Variants in HERC5 observed in about 807,000 individuals in gnomAD.
The protein encoded by HERC5 is E3 ISG15--protein ligase HERC5.
In HERC5, 99 loss-of-function variants were observed where a neutral mutation model predicts 119.6. The observed-to-expected ratio is 0.83, with a 90% CI of 0.70 to 0.98. The LOEUF (loss-of-function observed/expected upper bound fraction) is 0.98, where lower values mean the gene tolerates loss of function less well. HERC5 is among the 50% of genes least tolerant of loss of function. HERC5 has a pLI of 0.00. For synonymous variants in HERC5, 478 were observed against 445.9 expected, an observed-to-expected ratio of 1.07 and a Z score of -0.91; for missense variants, 1,267 against 1,241.3, an observed-to-expected ratio of 1.02 and a Z score of -0.31.
At chr4:88,470,697 G>C in intron 10 of HERC5, 24 bp downstream of exon 10, 1 of 1,008,098 alleles carries the variant, frequency 9.9e-7, no homozygotes, top group Non-Finnish European at 1.5e-6. Context: ...TAAATTAATT[G>C]TATTAAATTG....
intron 12 of HERC5, among the ~76,000 whole-genome samples, chr4:88,477,234 AGGGAGGGGAG>A (rs1223110891): frequency 3.2e-5 from 2 of 63,248 alleles, no homozygotes; most frequent in Non-Finnish European, 5.8e-5. Context: ...AAAGGAAGGA[AGGGAGGGGAG>A]GGGAGAGGAG....
At position 88,479,340 on chromosome 4, in the gene HERC5, T is replaced by C. The variant is rs200055854; in HGVS notation, c.1583-13T>C. The C allele has an allele frequency of 2.9e-5, 45 of 1,556,070 alleles. No individual in the cohort carries two copies. Among genetic ancestry groups the C allele is most frequent in the Non-Finnish European group, 3.6e-5 (42 of 1,157,772 alleles). Reference sequence around the variant, plus strand: ...TCATTTTTTAAAAAATTTGCTTTCCTTGTGTTCCTCAGAAGAGTATTGGGC... The same window carrying C: ...TCATTTTTTAAAAAATTTGCTTTCCCTGTGTTCCTCAGAAGAGTATTGGGC... On this transcript the variant is annotated splice_polypyrimidine_tract_variant and intron_variant, in intron 12 of 22. Coordinates refer to ENST00000264350, the MANE Select transcript of HERC5 (RefSeq NM_016323.4).
chr4:88,466,439 A>G lies in HERC5; in HGVS notation c.912-620A>G, dbSNP rs57966410. On this transcript the variant is annotated intron_variant, in intron 6 of 22. Transcript: ENST00000264350. ...TGGTTAAATCATTGCCCGGATAGTT[A>G]AACTTAATCTCCAGCACTGCCCTCC... 8.8e-3 allele frequency among the ~76,000 whole-genome samples: 1,336 copies of G among 152,272 alleles called. 23 individuals carry two copies. The highest frequency in any genetic ancestry group is 0.03 in the African/African-American group (1,236 of 41,540).
intron 10 of HERC5, among the ~76,000 whole-genome samples, chr4:88,471,877 T>TCTTC (rs923450152): frequency 1.5e-4 from 23 of 151,902 alleles, no homozygotes; most frequent in South Asian, 1.0e-3. Context: ...GTCAGTCCTT[T>TCTTC]CTTCCTTCCT....
Position 88,489,221 on chromosome 4 carries a change from C to T in HERC5, c.2018C>T (p.Ser673Phe). The T allele has an allele frequency of 1.9e-6, 3 of 1,613,760 alleles. No individual in the cohort carries two copies. The highest frequency in any genetic ancestry group is 2.5e-6 in the Non-Finnish European group (3 of 1,179,816). Residue 673 changes from serine to phenylalanine, a missense_variant, in exon 16 of 23, where the codon TCT becomes TTT. Physicochemically the swap from Ser to Phe is radical, Grantham distance 155. Coordinates refer to ENST00000264350, the MANE Select transcript of HERC5 (RefSeq NM_016323.4). The stretch of plus-strand genomic sequence containing the variant: ...GCAGCAATTGAGGAAGAAAGAGAGT[C>T]TGAATTCGCTTTGAGGCCCACGTTT... ...RSAAIEEERE[S>F]EFALRPTFDL...
rs748331684 is a variant in HERC5 at position 88,505,807 on chromosome 4, A to G, written c.3004A>G (p.Lys1002Glu). Reference protein sequence around the residue: ...LTCFSVLFLPKYSTMETVEEA... With the variant: ...LTCFSVLFLPEYSTMETVEEA... ...ATGTTTCAGTGTCCTCTTCCTCCCT[A>G]AATATTCTACAATGGAAACAGTTGA... Residue 1002 changes from lysine to glutamate, a missense_variant, in exon 23 of 23, where the codon AAA becomes GAA. By Grantham distance (56) the Lys-to-Glu change is moderately conservative. Coordinates refer to ENST00000264350, the MANE Select transcript of HERC5 (RefSeq NM_016323.4). 44 of 1,613,706 alleles carry G rather than the reference A, an allele frequency of 2.7e-5. No homozygotes were observed. Among genetic ancestry groups the G allele is most frequent in the Middle Eastern group, 1.6e-4 (1 of 6,076 alleles).
Position 88,463,883 on chromosome 4 carries a change from G to C in HERC5, c.809G>C (p.Gly270Ala). The change falls in exon 6 of 23, where the codon GGA becomes GCA. Residue 270 changes from glycine to alanine, a missense_variant. Coordinates refer to ENST00000264350, the MANE Select transcript of HERC5 (RefSeq NM_016323.4). ...GGGCTGCTGTTTACTTTCGGTGCTG[G>C]AAAACATGGGCAACTTGGTCATAAT... ...QDGLLFTFGAGKHGQLGHNST... is the reference protein window; with the variant it reads ...QDGLLFTFGAAKHGQLGHNST... 1 of 1,613,858 alleles carries C rather than the reference G, an allele frequency of 6.2e-7. No homozygotes were observed. The highest frequency in any genetic ancestry group is 8.5e-7 in the Non-Finnish European group (1 of 1,179,990).
At chr4:88,498,538 G>A (rs897517141) in intron 18 of HERC5, among the ~76,000 whole-genome samples, 4 of 152,196 alleles carry the variant, frequency 2.6e-5, no homozygotes, top group Non-Finnish European at 4.4e-5. Context: ...AAATGGGAAT[G>A]TCTATCCTAT....
chr4:88,483,491 G>T (rs982302109), intron 13 of HERC5, among the ~76,000 whole-genome samples: 1 of 150,928 alleles, frequency 6.6e-6, no homozygotes, highest in Admixed American at 6.6e-5. Flanking sequence ...AGGATTACCC[G>T]GGTAAGCCAC....
chr4:88,467,966 C>A, intron 7 of HERC5: 3 of 737,474 alleles, frequency 4.1e-6, no homozygotes, highest in Non-Finnish European at 5.0e-6. Flanking sequence ...ATAACAGTTA[C>A]ATGGGCTTAA....
chr4:88,502,531 T>G (rs1249114769), intron 20 of HERC5, among the ~76,000 whole-genome samples: 1 of 152,008 alleles, frequency 6.6e-6, no homozygotes, highest in Non-Finnish European at 1.5e-5. Flanking sequence ...CATCAGTGGG[T>G]GCCCAGGGAG....
intron 14 of HERC5, among the ~76,000 whole-genome samples, chr4:88,486,813 AAC>A (rs1293180050): frequency 1.3e-5 from 2 of 150,458 alleles, no homozygotes; most frequent in Non-Finnish European, 3.0e-5. Context: ...GTTTCAGCAG[AAC>A]AGACTCTTTG....
chr4:88,466,937 C>G, intron 6 of HERC5, 122 bp from the exon 7 acceptor site: 1 of 972,128 alleles, frequency 1.0e-6, no homozygotes. Context: ...GATTTTCATC[C>G]TCTAAGAGAT....
intron 1 of HERC5, among the ~76,000 whole-genome samples, chr4:88,458,268 G>A (rs1740258508): frequency 6.6e-6 from 1 of 151,994 alleles, no homozygotes. Flanking sequence ...GTTGTTTTTA[G>A]TGCATTTTTT....
At chr4:88,504,100 A>G (rs1194212347) in intron 20 of HERC5, 132 bp from the exon 21 acceptor site, 8 of 521,744 alleles carry the variant, frequency 1.5e-5, no homozygotes, top group African/African-American at 1.4e-4. Context: ...GATAATCTCT[A>G]GTAACTATGA....
At chr4:88,460,717 G>T (rs1382988624) in intron 3 of HERC5, among the ~76,000 whole-genome samples, 5 of 152,214 alleles carry the variant, frequency 3.3e-5, no homozygotes, top group Non-Finnish European at 7.3e-5. Flanking sequence ...GGCCAGGCTT[G>T]GTGGCTAATG....
At chr4:88,474,554 G>A (rs1008790946) in intron 11 of HERC5, among the ~76,000 whole-genome samples, 8 of 152,172 alleles carry the variant, frequency 5.3e-5, no homozygotes, top group Admixed American at 6.5e-5. Context: ...TCCAAAGACC[G>A]AATCTCATCG....
chr4:88,464,870 A>G (rs984198979), intron 6 of HERC5, among the ~76,000 whole-genome samples: 5 of 152,094 alleles, frequency 3.3e-5, no homozygotes, highest in African/African-American at 1.2e-4. Context: ...TCCTGGGTTC[A>G]CACCATTCTT....
intron 16 of HERC5, among the ~76,000 whole-genome samples, chr4:88,490,568 A>G (rs1309774413): frequency 6.6e-6 from 1 of 152,186 alleles, no homozygotes; most frequent in Non-Finnish European, 1.5e-5. Flanking sequence ...ATTGCCCCAG[A>G]CACAGTGGCT....
Sources: gnomAD v4.1 joint callset for allele counts (sites outside exome capture counted in the v4.1 genomes callset) on GRCh38, gnomAD v4.1.1 for gene constraint, MANE v1.5 for transcripts, NCBI Gene and HGNC (gene_info 2026-07-23, HGNC 2026-07-21) for gene names.